The following MRPL42 variants were observed in gnomAD, a reference collection of about 807,000 sequenced individuals.
MRPL42 encodes the protein mitochondrial ribosomal protein L42.
A neutral mutation model predicts 17.9 loss-of-function variants in MRPL42; 17 were observed. That is an observed-to-expected ratio of 0.95 (90% CI 0.65 to 1.42). The LOEUF is 1.42. Among genes scored for constraint, MRPL42 ranks in the 40% most tolerant of loss-of-function variants. MRPL42 has a pLI of 0.00. For synonymous variants in MRPL42, 59 were observed against 54.4 expected, an observed-to-expected ratio of 1.08 and a Z score of -0.37; for missense variants, 177 against 175.2, an observed-to-expected ratio of 1.01 and a Z score of -0.06.
chr12:93,469,467 A>G lies in MRPL42; in HGVS notation c.70+112A>G, dbSNP rs912730084. The G allele has an allele frequency of 2.2e-5, 16 of 739,066 alleles. No homozygotes were observed. In the Admixed American group the frequency reaches 2.5e-4, roughly 12 times the overall value. The allele number at this position is 739,066 out of a possible 1,614,324, so 45.8% of individuals were successfully genotyped here. On this transcript the variant is annotated intron_variant, in intron 2 of 5. Transcript: ENST00000549982. ...GTAATTTGCAGGAGTGTTTGCAGCA[A>G]TGGAAAGTGGGAGAAAACCTAAATG... is the stretch of plus-strand genomic sequence containing the variant.
intron 5 of MRPL42, 199 bp from the exon 6 acceptor site, chr12:93,500,977 A>G: frequency 2.2e-6 from 1 of 462,466 alleles, no homozygotes; most frequent in South Asian, 2.6e-5. Context: ...TCTAGAAAAA[A>G]AAAATGATTA....
At chr12:93,467,974 T>C (rs755531488) in intron 1 of MRPL42, among the ~76,000 whole-genome samples, 41 of 152,326 alleles carry the variant, frequency 2.7e-4, no homozygotes, top group Middle Eastern at 6.8e-3. Flanking sequence ...TCTCTGGGCT[T>C]CGGACAGAGG....
chr12:93,477,977 G>C (rs1880263147), intron 3 of MRPL42, among the ~76,000 whole-genome samples: 1 of 152,036 alleles, frequency 6.6e-6, no homozygotes, highest in African/African-American at 2.4e-5. Context: ...ATTTTTGTGA[G>C]ACAGAGACTC....
Position 93,501,172 on chromosome 12 carries a change from C to G in MRPL42, c.384-4C>G. On this transcript the variant is annotated splice_polypyrimidine_tract_variant and splice_region_variant and intron_variant, in intron 5 of 5. Transcript: ENST00000549982. ...CTTATTCCAAGTATTTTCTTCTTTT[C>G]AAGGTATCACAGATGTCGTAAGAAT... 7 of 1,588,610 alleles carry G rather than the reference C, an allele frequency of 4.4e-6. No individual in the cohort carries two copies. The highest frequency in any genetic ancestry group is 6.0e-6 in the Non-Finnish European group (7 of 1,169,244).
intron 5 of MRPL42, among the ~76,000 whole-genome samples, chr12:93,496,403 A>G (rs1291464184): frequency 6.6e-6 from 1 of 152,134 alleles, no homozygotes; most frequent in Non-Finnish European, 1.5e-5. Context: ...GATTTAACCA[A>G]AAAAAGTCAC....
chr12:93,490,678 C>G (rs1474839289), intron 5 of MRPL42, among the ~76,000 whole-genome samples: 12 of 152,042 alleles, frequency 7.9e-5, no homozygotes, highest in Admixed American at 6.6e-4. Flanking sequence ...TCCATTGATT[C>G]ATTCATTCAT....
intron 2 of MRPL42, among the ~76,000 whole-genome samples, chr12:93,473,803 A>G (rs1880024747): frequency 6.6e-6 from 1 of 151,950 alleles, no homozygotes; most frequent in African/African-American, 2.4e-5. Context: ...CCTGGGTTCA[A>G]GTGATCCACC....
chr12:93,501,827 A>C lies in MRPL42; in HGVS notation c.*606A>C, dbSNP rs1402190531. On this transcript the variant is annotated 3_prime_UTR_variant, in exon 6 of 6. Transcript: ENST00000549982. ...AATTGCCTTTGAGAATAAACTCATA[A>C]GGTCTACCAAGAAAATAAATGTTAT... 6.6e-6 allele frequency: 1 copy of C among 152,212 alleles called. No individual in the cohort carries two copies. Among genetic ancestry groups the C allele is most frequent in the Non-Finnish European group, 1.5e-5 (1 of 68,044 alleles). 9.4% of individuals were successfully genotyped at this position (152,212 alleles called of 1,614,324 possible). A position where few individuals can be genotyped will look rare whatever the true frequency, so the allele number is the denominator to read the frequency against.
chr12:93,476,186 T>C (rs115107489), intron 2 of MRPL42, among the ~76,000 whole-genome samples: 70 of 152,164 alleles, frequency 4.6e-4, no homozygotes, highest in African/African-American at 1.7e-3. Context: ...ACCCAAATAC[T>C]TTATTTTTAT....
intron 4 of MRPL42, among the ~76,000 whole-genome samples, chr12:93,484,165 C>T (rs574672748): frequency 2.6e-5 from 4 of 152,162 alleles, no homozygotes; most frequent in Admixed American, 6.6e-5. Context: ...AGTAGGAGTA[C>T]GCTCTAAAAT....
At chr12:93,492,488 T>C (rs1286503819) in intron 5 of MRPL42, among the ~76,000 whole-genome samples, 4 of 152,148 alleles carry the variant, frequency 2.6e-5, no homozygotes, top group Non-Finnish European at 5.9e-5. Context: ...TTTTTGCTTG[T>C]TGATTTAAGT....
In MRPL42 at chr12:93,476,534, C is replaced by T. The variant is rs187227007; in HGVS notation, c.71-420C>T. Among the ~76,000 whole-genome samples the T allele has an allele frequency of 2.0e-3, 312 of 152,196 alleles. 1 individual carries two copies. The highest frequency in any genetic ancestry group is 3.7e-3 in the Non-Finnish European group (252 of 67,986). On this transcript the variant is annotated intron_variant, in intron 2 of 5. Coordinates refer to ENST00000549982, the MANE Select transcript of MRPL42 (RefSeq NM_014050.4). ...CAAACACTTTTATTTTTTTTCTTAC[C>T]TGGAGTCCTTGCGCCTTTTACTCAC...
rs1232583384 is a variant in MRPL42 at position 93,476,697 on chromosome 12, A to G, written c.71-257A>G. Among the ~76,000 whole-genome samples the G allele has an allele frequency of 4.6e-5, 7 of 152,192 alleles. No individual in the cohort carries two copies. The East Asian group carries it at 1.3e-3, about 29-fold the overall frequency. Reference sequence around the variant, plus strand: ...GTTTGGTAGCCTTTCTGTGTGGCCCATCTTTGCCAATGTTTACCATTCCTA... The same window carrying G: ...GTTTGGTAGCCTTTCTGTGTGGCCCGTCTTTGCCAATGTTTACCATTCCTA... On this transcript the variant is annotated intron_variant, in intron 2 of 5. Transcript: ENST00000549982.
intron 3 of MRPL42, among the ~76,000 whole-genome samples, chr12:93,478,840 C>T (rs1406624265): frequency 6.6e-6 from 1 of 151,948 alleles, no homozygotes; most frequent in African/African-American, 2.4e-5. Context: ...CATTTGTGTC[C>T]TGTGTTATGG....
chr12:93,487,410 A>G, intron 4 of MRPL42, 87 bp from the exon 5 acceptor site: 2 of 1,254,716 alleles, frequency 1.6e-6, no homozygotes, highest in Non-Finnish European at 2.2e-6. Flanking sequence ...GAATTACTGA[A>G]TATGGTAATT....
At position 93,479,411 on chromosome 12, in the gene MRPL42, C is replaced by A; in HGVS notation, c.158C>A (p.Ser53Tyr). The A allele has an allele frequency of 6.2e-7, 1 of 1,610,538 alleles. No individual in the cohort carries two copies. The highest frequency in any genetic ancestry group is 8.5e-7 in the Non-Finnish European group (1 of 1,178,156). ...AGCAACGTAGAGCTTGCTCTGACTT[C>A]TGATGGCAGGACAATAGTATGCTAC... ...YNCNVELALT[S>Y]DGRTIVCYHP... Residue 53 changes from serine (S) to tyrosine (Y), a missense_variant, in exon 4 of 6, where the codon TCT becomes TAT. Coordinates refer to ENST00000549982, the MANE Select transcript of MRPL42 (RefSeq NM_014050.4).
intron 3 of MRPL42, 25 bp from the exon 4 acceptor site, chr12:93,479,363 A>G: frequency 1.3e-6 from 2 of 1,532,418 alleles, no homozygotes; most frequent in African/African-American, 1.4e-5. Context: ...GTATAACTTT[A>G]TTTCTAAAAC....
Position 93,512,112 on chromosome 12 carries a change from CATTTA to C in MRPL42, c.*10895_*10899del, listed in dbSNP as rs1308915192. 6.6e-6 allele frequency: 1 copy of C among 152,150 alleles called. No individual in the cohort carries two copies. Among genetic ancestry groups the C allele is most frequent in the East Asian group, 1.9e-4 (1 of 5,204 alleles). 9.4% of individuals were successfully genotyped at this position (152,150 alleles called of 1,614,324 possible). ...GAAAGTTCTGTTGAGCATATTTGAA[CATTTA>C]ATTATTGCTGCAAGAAGCCAGTTTG... On this transcript the variant is annotated 3_prime_UTR_variant, in exon 6 of 6. Coordinates refer to ENST00000549982, the MANE Select transcript of MRPL42 (RefSeq NM_014050.4).
intron 4 of MRPL42, among the ~76,000 whole-genome samples, chr12:93,479,955 C>T (rs1450787610): frequency 6.7e-6 from 1 of 149,132 alleles, no homozygotes; most frequent in Non-Finnish European, 1.5e-5. Flanking sequence ...TTTGAATGGC[C>T]CAGTTAGATT....
Sources: allele counts gnomAD v4.1 joint callset (sites outside exome capture counted in the v4.1 genomes callset), GRCh38; gene constraint gnomAD v4.1.1; transcripts MANE v1.5; gene names NCBI Gene and HGNC (gene_info 2026-07-23, HGNC 2026-07-21).